The following COL5A2 variants were observed in gnomAD, a reference collection of about 807,000 sequenced individuals.
COL5A2 encodes collagen type V alpha 2 chain.
COL5A2 carries 23 observed loss-of-function variants against 208.2 expected under a neutral mutation model. The ratio of observed to expected loss-of-function variants is 0.11; its 90% CI spans 0.08 to 0.16. The LOEUF is 0.16. COL5A2 is among the 10% of genes least tolerant of loss of function. COL5A2 has a pLI of 1.00. For synonymous variants in COL5A2, 625 were observed against 628.5 expected (o/e 0.99, Z 0.08); for missense variants, 1,590 against 1,956.4 (o/e 0.81, Z 3.53).
chr2:189,095,967 TG>T (rs5837125), intron 6 of COL5A2: 20,162 of 152,044 alleles, frequency 0.13, 1,368 homozygotes, highest in Middle Eastern at 0.19. Context: ...GCCAATCTCT[TG>T]GGGCACTGCT....
intron 6 of COL5A2, chr2:189,095,879 C>T (rs1658264371): frequency 1.3e-5 from 2 of 151,972 alleles, no homozygotes; most frequent in Non-Finnish European, 2.9e-5. Context: ...GTTTAAGCTA[C>T]CAACACTAGT....
At chr2:189,144,600 T>G (rs1409882837) in intron 1 of COL5A2, among the ~76,000 whole-genome samples, 1 of 151,616 alleles carries the variant, frequency 6.6e-6, no homozygotes, top group East Asian at 1.9e-4. Context: ...AAAATCCATT[T>G]GCCATCTTCT....
chr2:189,434,943 T>G, the COL5A2 span, among the ~76,000 whole-genome samples: 1 of 152,138 alleles, frequency 6.6e-6, no homozygotes, highest in Non-Finnish European at 1.5e-5. Context: ...AAGGCTACAG[T>G]AACTAAAACA....
At chr2:189,308,371 T>C in the COL5A2 span, among the ~76,000 whole-genome samples, 1 of 152,002 alleles carries the variant, frequency 6.6e-6, no homozygotes, top group Admixed American at 6.6e-5. Flanking sequence ...CCAGCCTGAC[T>C]CTCTAATATA....
the COL5A2 span, among the ~76,000 whole-genome samples, chr2:189,262,864 A>G: frequency 1.3e-5 from 2 of 152,166 alleles, no homozygotes; most frequent in Admixed American, 1.3e-4. Flanking sequence ...GACAATATTC[A>G]TCTGGTTATT....
At chr2:189,109,378 G>C (rs11690723) in intron 2 of COL5A2, among the ~76,000 whole-genome samples, 108,303 of 151,894 alleles carry the variant, frequency 0.71, 39,579 homozygotes, top group Non-Finnish European at 0.81. Context: ...TCAAGAAGCA[G>C]AGAAAAGGTA....
rs1255958871 is a variant in COL5A2, at chr2:189,085,700, A to G, written c.744+19T>C. The G allele has an allele frequency of 1.2e-6, 2 of 1,611,278 alleles. No homozygotes were observed. Among genetic ancestry groups the G allele is most frequent in the East Asian group, 2.2e-5 (1 of 44,852 alleles). ...TGGACCCAAATGTAACTGGGTCTAC[A>G]TGCTTACTTGACATTTACCATTGGT... On this transcript the variant is annotated intron_variant, in intron 10 of 53. Coordinates refer to ENST00000374866, the MANE Select transcript of COL5A2 (RefSeq NM_000393.5).
intron 1 of COL5A2, among the ~76,000 whole-genome samples, chr2:189,139,091 A>G (rs1687882347): frequency 6.6e-6 from 1 of 152,122 alleles, no homozygotes. Context: ...GACACAGGAC[A>G]AATACCACCC....
At chr2:189,212,884 T>TAC (rs1491133816) in intron 1 of COL5A2, among the ~76,000 whole-genome samples, 1 of 117,672 alleles carries the variant, frequency 8.5e-6, no homozygotes. Flanking sequence ...TATATATATA[T>TAC]ACACACATAT....
the COL5A2 span, among the ~76,000 whole-genome samples, chr2:189,232,576 G>A: frequency 1.3e-5 from 2 of 151,666 alleles, no homozygotes; most frequent in African/African-American, 4.8e-5. Context: ...TGTTTCTCCA[G>A]AACAATATAT....
At chr2:189,436,735 C>T in the COL5A2 span, among the ~76,000 whole-genome samples, 31 of 151,952 alleles carry the variant, frequency 2.0e-4, no homozygotes, top group African/African-American at 7.0e-4. Context: ...TTATCCTCAG[C>T]AAACTAACAC....
the COL5A2 span, among the ~76,000 whole-genome samples, chr2:189,290,766 A>T: frequency 2.2e-5 from 3 of 138,870 alleles, no homozygotes; most frequent in African/African-American, 7.6e-5. Flanking sequence ...ATTATTATAT[A>T]CAGGGAAAGG....
chr2:189,076,500 G>A (rs1216535513), intron 16 of COL5A2, among the ~76,000 whole-genome samples: 1 of 152,190 alleles, frequency 6.6e-6, no homozygotes, highest in Non-Finnish European at 1.5e-5. Context: ...TGATGGAATT[G>A]CATGGGTCTT....
At chr2:189,258,733 G>C in the COL5A2 span, among the ~76,000 whole-genome samples, 1 of 152,242 alleles carries the variant, frequency 6.6e-6, no homozygotes, top group East Asian at 1.9e-4. Flanking sequence ...TCACCTAAAA[G>C]AGGAAGGACA....
the COL5A2 span, among the ~76,000 whole-genome samples, chr2:189,282,743 A>C: frequency 6.6e-6 from 1 of 152,142 alleles, no homozygotes; most frequent in Admixed American, 6.5e-5. Context: ...GCCTGGGTTC[A>C]TCTTTTCTAG....
At chr2:189,147,088 G>T (rs1391861341) in intron 1 of COL5A2, among the ~76,000 whole-genome samples, 1 of 152,046 alleles carries the variant, frequency 6.6e-6, no homozygotes, top group Non-Finnish European at 1.5e-5. Context: ...GTATTATTGG[G>T]GTAATACTAA....
At chr2:189,439,306 A>C in the COL5A2 span, among the ~76,000 whole-genome samples, 1 of 152,210 alleles carries the variant, frequency 6.6e-6, no homozygotes, top group African/African-American at 2.4e-5. Context: ...GCCTGAAAGA[A>C]TGTCTGGCAT....
At chr2:189,316,752 AATTT>A in the COL5A2 span, among the ~76,000 whole-genome samples, 1 of 149,066 alleles carries the variant, frequency 6.7e-6, no homozygotes, top group African/African-American at 2.5e-5. Context: ...TATAAGTCAA[AATTT>A]ATTTATTTAT....
At chr2:189,090,558 GT>G (rs892889352) in intron 7 of COL5A2, among the ~76,000 whole-genome samples, 27 of 152,330 alleles carry the variant, frequency 1.8e-4, no homozygotes, top group African/African-American at 6.3e-4. Flanking sequence ...GGACTTTCAT[GT>G]TTAGAGAGAA....
Sources: allele counts gnomAD v4.1 joint callset (sites outside exome capture counted in the v4.1 genomes callset), GRCh38; gene constraint gnomAD v4.1.1; transcripts MANE v1.5; gene names NCBI Gene and HGNC (gene_info 2026-07-23, HGNC 2026-07-21).